TAFA1: variants seen among roughly 807,000 people sequenced by gnomAD.
TAFA1 encodes chemokine-like protein TAFA-1.
A neutral mutation model predicts 18.5 loss-of-function variants in TAFA1; 4 were observed. The observed-to-expected ratio is 0.22, with a 90% CI of 0.11 to 0.49. The LOEUF (loss-of-function observed/expected upper bound fraction) is 0.49. TAFA1 is among the 20% of genes least tolerant of loss of function. The probability of loss-of-function intolerance (pLI) is 0.98; values close to 1 mark genes in which losing one functional copy is unlikely to be tolerated. For missense variants in TAFA1, 147 were observed against 169.0 expected, an observed-to-expected ratio of 0.87 and a Z score of 0.72; for synonymous variants, 56 against 55.2, an observed-to-expected ratio of 1.01 and a Z score of -0.06.
rs529962051 is a variant in TAFA1, at chr3:68,029,074, C to G, written c.118+22330C>G. The stretch of plus-strand genomic sequence containing the variant: ...GGCTAGCCTCACTCTTAACAGAAAA[C>G]TTGACATTGGATTTAAGGCCACCTA... On this transcript the variant is annotated intron_variant, in intron 2 of 4. Coordinates refer to ENST00000478136, the MANE Select transcript of TAFA1 (RefSeq NM_213609.4). Among the ~76,000 whole-genome samples the G allele has an allele frequency of 3.9e-5, 6 of 152,060 alleles. No individual in the cohort carries two copies. In the East Asian group the frequency reaches 9.6e-4, roughly 24 times the overall value.
At chr3:68,012,749 C>T (rs1189969214) in intron 2 of TAFA1, among the ~76,000 whole-genome samples, 4 of 152,074 alleles carry the variant, frequency 2.6e-5, no homozygotes, top group African/African-American at 9.7e-5. Context: ...TACCAAACCA[C>T]GTTTCCAGTT....
intron 3 of TAFA1, among the ~76,000 whole-genome samples, chr3:68,445,958 G>A (rs1310472278): frequency 1.3e-5 from 2 of 152,146 alleles, no homozygotes; most frequent in African/African-American, 2.4e-5. Flanking sequence ...CTGGAATGCA[G>A]TGGTACAATC....
chr3:68,467,371 T>C (rs2071908419), intron 3 of TAFA1, among the ~76,000 whole-genome samples: 1 of 152,212 alleles, frequency 6.6e-6, no homozygotes, highest in African/African-American at 2.4e-5. Context: ...CTTCACAGTT[T>C]ATGTTCTTCT....
At chr3:68,302,658 C>T (rs183925637) in intron 2 of TAFA1, among the ~76,000 whole-genome samples, 3 of 151,714 alleles carry the variant, frequency 2.0e-5, no homozygotes, top group Admixed American at 6.6e-5. Flanking sequence ...TGTCTGGTAT[C>T]GAAGGTGCTA....
Position 68,119,397 on chromosome 3 carries a change from A to G in TAFA1, c.118+112653A>G, listed in dbSNP as rs116079461. Among the ~76,000 whole-genome samples, 421 of 151,110 alleles carry G rather than the reference A, an allele frequency of 2.8e-3. 3 individuals are homozygous for G. The highest frequency in any genetic ancestry group is 9.8e-3 in the African/African-American group (404 of 41,182). The stretch of plus-strand genomic sequence containing the variant: ...AAGTTTTTAATTTTGATGTAGTCTA[A>G]TTTATCTACTTTTGCTTTTGTTGCT... On this transcript the variant is annotated intron_variant, in intron 2 of 4. Transcript: ENST00000478136.
chr3:68,365,913 T>A (rs1205350768), intron 2 of TAFA1, among the ~76,000 whole-genome samples: 1 of 151,704 alleles, frequency 6.6e-6, no homozygotes, highest in African/African-American at 2.4e-5. Flanking sequence ...AGTGAAACTG[T>A]GTCTCTACTA....
At chr3:68,347,235 C>T (rs1303110542) in intron 2 of TAFA1, among the ~76,000 whole-genome samples, 1 of 152,190 alleles carries the variant, frequency 6.6e-6, no homozygotes, top group Non-Finnish European at 1.5e-5. Context: ...TAGTTGTCTG[C>T]TTTACCAGTT....
intron 3 of TAFA1, among the ~76,000 whole-genome samples, chr3:68,494,448 G>A (rs911584643): frequency 2.0e-5 from 3 of 152,138 alleles, no homozygotes; most frequent in African/African-American, 7.2e-5. Context: ...CAGATGTTAT[G>A]CTGAATATCA....
intron 3 of TAFA1, among the ~76,000 whole-genome samples, chr3:68,537,136 G>C (rs1174779773): frequency 6.6e-6 from 1 of 152,112 alleles, no homozygotes; most frequent in Non-Finnish European, 1.5e-5. Context: ...AATAGAAATA[G>C]TGCAAGATCT....
At chr3:68,125,495 G>C (rs1421283490) in intron 2 of TAFA1, among the ~76,000 whole-genome samples, 1 of 152,196 alleles carries the variant, frequency 6.6e-6, no homozygotes, top group Non-Finnish European at 1.5e-5. Context: ...TGAGCTAAAT[G>C]ATGTTCTAAA....
At chr3:68,057,191 A>G (rs1256640785) in intron 2 of TAFA1, among the ~76,000 whole-genome samples, 1 of 152,178 alleles carries the variant, frequency 6.6e-6, no homozygotes, top group Admixed American at 6.5e-5. Context: ...AGAAACTCAT[A>G]GTTTGTAGAT....
At chr3:68,013,784 C>A (rs902855926) in intron 2 of TAFA1, among the ~76,000 whole-genome samples, 1 of 152,138 alleles carries the variant, frequency 6.6e-6, no homozygotes, top group Non-Finnish European at 1.5e-5. Context: ...CCCATTATTT[C>A]TTTCTCTTTT....
chr3:68,413,096 G>A (rs2070745816), intron 2 of TAFA1, among the ~76,000 whole-genome samples: 1 of 152,134 alleles, frequency 6.6e-6, no homozygotes, highest in Non-Finnish European at 1.5e-5. Flanking sequence ...GTATCTCATT[G>A]TGTTTTTGAT....
chr3:68,048,401 T>C (rs933999218), intron 2 of TAFA1, among the ~76,000 whole-genome samples: 4 of 152,126 alleles, frequency 2.6e-5, no homozygotes, highest in Non-Finnish European at 5.9e-5. Flanking sequence ...AATAATCACA[T>C]CAGGATAAAT....
At chr3:68,474,990 T>A (rs1409572618) in intron 3 of TAFA1, among the ~76,000 whole-genome samples, 1 of 152,066 alleles carries the variant, frequency 6.6e-6, no homozygotes, top group African/African-American at 2.4e-5. Flanking sequence ...GCTGAACTGA[T>A]TAGCTAAGAT....
At chr3:68,531,257 AGAAGAAAGAATTTGACCG>A (rs2073184860) in intron 3 of TAFA1, among the ~76,000 whole-genome samples, 1 of 152,176 alleles carries the variant, frequency 6.6e-6, no homozygotes, top group Non-Finnish European at 1.5e-5. Context: ...CTGCCTCCTC[AGAAGAAAGAATTTGACCG>A]AATGACTTAA....
intron 3 of TAFA1, among the ~76,000 whole-genome samples, chr3:68,474,309 C>A (rs939587088): frequency 6.6e-6 from 1 of 152,130 alleles, no homozygotes; most frequent in Non-Finnish European, 1.5e-5. Context: ...TCTAAAGGGG[C>A]TAGAAACAGG....
At chr3:68,325,663 G>T (rs9869607) in intron 2 of TAFA1, among the ~76,000 whole-genome samples, 7,633 of 152,242 alleles carry the variant, frequency 0.05, 235 homozygotes, top group African/African-American at 0.086. Flanking sequence ...GAACAAACTA[G>T]AAAATTCCCC....
intron 2 of TAFA1, among the ~76,000 whole-genome samples, chr3:68,061,826 T>C (rs2064605480): frequency 6.6e-6 from 1 of 152,132 alleles, no homozygotes; most frequent in South Asian, 2.1e-4. Context: ...AAAACACCCT[T>C]CAGGAAAGGA....
Sources: allele counts gnomAD v4.1 joint callset (sites outside exome capture counted in the v4.1 genomes callset), GRCh38; gene constraint gnomAD v4.1.1; transcripts MANE v1.5; gene names NCBI Gene and HGNC (gene_info 2026-07-23, HGNC 2026-07-21).